The following SCRN1 variants were observed in gnomAD, a reference collection of about 807,000 sequenced individuals.
SCRN1 encodes the protein secernin-1.
In SCRN1, 19 loss-of-function variants were observed where a neutral mutation model predicts 43.3. The observed-to-expected ratio is 0.44, with a 90% CI of 0.31 to 0.64. SCRN1 has a LOEUF of 0.64. Ranked by LOEUF, SCRN1 falls within the 30% of genes least tolerant of loss-of-function variation. The probability of loss-of-function intolerance (pLI) is 0.09; values close to 1 mark genes in which losing one functional copy is unlikely to be tolerated. For synonymous variants in SCRN1, 183 were observed against 188.9 expected, an observed-to-expected ratio of 0.97 and a Z score of 0.26; for missense variants, 447 against 524.1, an observed-to-expected ratio of 0.85 and a Z score of 1.44.
At chr7:29,939,823 C>T (rs1011763263) in intron 5 of SCRN1, among the ~76,000 whole-genome samples, 1 of 152,078 alleles carries the variant, frequency 6.6e-6, no homozygotes, top group Admixed American at 6.6e-5. Context: ...TATCTAGTCG[C>T]CACATATACC....
At chr7:29,947,190 C>T (rs1787762537) in intron 3 of SCRN1, 1 of 1,550,072 alleles carries the variant, frequency 6.5e-7, no homozygotes, top group East Asian at 2.4e-5. Flanking sequence ...GTCCAGCTTG[C>T]TCTGGGCCTG....
intron 1 of SCRN1, among the ~76,000 whole-genome samples, chr7:29,983,708 A>G (rs1485843477): frequency 6.6e-6 from 1 of 152,236 alleles, no homozygotes; most frequent in Non-Finnish European, 1.5e-5. Context: ...ATGAGGAAAT[A>G]CTAGACTTGC....
intron 1 of SCRN1, chr7:29,988,516 G>C (rs957342070): frequency 6.6e-6 from 1 of 152,406 alleles, no homozygotes; most frequent in East Asian, 1.9e-4. Context: ...CTTAAGTCAG[G>C]GGGCAGCTGA....
chr7:29,968,478 G>T (rs1443172228), intron 2 of SCRN1, among the ~76,000 whole-genome samples: 1 of 152,178 alleles, frequency 6.6e-6, no homozygotes, highest in African/African-American at 2.4e-5. Flanking sequence ...TCGAAGAAAG[G>T]AGGAAAGGGA....
At chr7:29,937,576 C>G (rs556382708) in intron 5 of SCRN1, among the ~76,000 whole-genome samples, 19 of 152,280 alleles carry the variant, frequency 1.2e-4, no homozygotes, top group Admixed American at 5.9e-4. Flanking sequence ...CACAGTCCAC[C>G]AAACTCGCTC....
chr7:29,952,245 T>TTC (rs1222539209), intron 3 of SCRN1, among the ~76,000 whole-genome samples: 3 of 152,220 alleles, frequency 2.0e-5, no homozygotes, highest in African/African-American at 7.2e-5. Flanking sequence ...CAATTTACAT[T>TTC]TCTAGCAAGT....
At chr7:29,937,094 G>A (rs984814576) in intron 5 of SCRN1, among the ~76,000 whole-genome samples, 6 of 152,120 alleles carry the variant, frequency 3.9e-5, no homozygotes, top group African/African-American at 7.2e-5. Flanking sequence ...AAACTGTGGC[G>A]TGGCGGGCCA....
At chr7:29,940,660 C>A (rs773178357) in intron 5 of SCRN1, 22 bp downstream of exon 5, 21 of 1,569,998 alleles carry the variant, frequency 1.3e-5, no homozygotes, top group Non-Finnish European at 1.6e-5. Context: ...GAAGGAGAAT[C>A]GTGAGGGAGA....
chr7:29,984,719 G>A (rs1035123412), intron 1 of SCRN1, among the ~76,000 whole-genome samples: 1 of 151,088 alleles, frequency 6.6e-6, no homozygotes, highest in Admixed American at 6.6e-5. Flanking sequence ...TCAGGAGCTC[G>A]AGACCAGCCT....
At chr7:29,987,802 C>T (rs546934583) in intron 1 of SCRN1, among the ~76,000 whole-genome samples, 1 of 152,310 alleles carries the variant, frequency 6.6e-6, no homozygotes, top group East Asian at 1.9e-4. Context: ...GATTTGGGTT[C>T]TCACTGCCAG....
At chr7:29,984,168 T>C (rs1049266544) in intron 1 of SCRN1, among the ~76,000 whole-genome samples, 1 of 135,306 alleles carries the variant, frequency 7.4e-6, no homozygotes, top group Non-Finnish European at 1.5e-5. Flanking sequence ...ATTGCACCAC[T>C]GCACTCCAGC....
intron 1 of SCRN1, among the ~76,000 whole-genome samples, chr7:29,979,223 C>A (rs796310197): frequency 6.6e-6 from 1 of 151,984 alleles, no homozygotes; most frequent in African/African-American, 2.4e-5. Context: ...ATTAGCCAGG[C>A]GTGGTGGCAC....
chr7:29,929,853 A>T (rs141978021), intron 6 of SCRN1, among the ~76,000 whole-genome samples: 219 of 152,328 alleles, frequency 1.4e-3, no homozygotes, highest in African/African-American at 5.0e-3. Flanking sequence ...TCAATATAGG[A>T]TAAATGCATA....
chr7:29,966,986 A>G lies in SCRN1; in HGVS notation c.159+1923T>C, dbSNP rs1365805691. 4.0e-5 allele frequency among the ~76,000 whole-genome samples: 6 copies of G among 150,308 alleles called. No individual in the cohort carries two copies. In the East Asian group the frequency reaches 1.2e-3, roughly 29 times the overall value. On this transcript the variant is annotated intron_variant, in intron 2 of 7. Transcript: ENST00000242059. ...ATTGGATGTAATGGAAGAATTTAAG[A>G]AAAAAAAAAGAAAATACAAATTGAT...
chr7:29,963,355 T>C (rs573766019), intron 2 of SCRN1, among the ~76,000 whole-genome samples: 1 of 152,174 alleles, frequency 6.6e-6, no homozygotes, highest in South Asian at 2.1e-4. Flanking sequence ...GGAGTGGATA[T>C]TGGTGTTGAG....
chr7:29,977,424 A>T (rs1788867095), intron 1 of SCRN1, among the ~76,000 whole-genome samples: 1 of 152,172 alleles, frequency 6.6e-6, no homozygotes, highest in East Asian at 1.9e-4. Flanking sequence ...TTACAAATTG[A>T]TTTTTTCTGT....
At chr7:29,989,810 G>A, upstream of SCRN1, 1 of 990,444 alleles carries the variant, frequency 1.0e-6, no homozygotes, top group Non-Finnish European at 1.2e-6. Flanking sequence ...TCCCGGCGCT[G>A]GGGCCCGCCG....
intron 4 of SCRN1, 48 bp from the exon 5 acceptor site, chr7:29,940,924 C>A: frequency 7.2e-7 from 1 of 1,395,118 alleles, no homozygotes; most frequent in Non-Finnish European, 9.4e-7. Flanking sequence ...CTTATAAAGA[C>A]TTAATCAACA....
chr7:29,924,095 C>T lies in SCRN1; in HGVS notation c.1107G>A (p.Arg369=), dbSNP rs752853654. ...ESDQEQGRKL[R]STMLELEKQG... is the part of the protein sequence containing the mutation. ...GCTTCTCCAGCTCCAGCATGGTGCT[C>T]CTCAGCTTGCGACCTTGCTCCTGAG... Residue 369 remains arginine (R), a synonymous_variant, in exon 8 of 8, where the codon AGG becomes AGA. Transcript: ENST00000242059. The T allele has an allele frequency of 1.2e-5, 19 of 1,612,866 alleles. No homozygotes were observed. Among genetic ancestry groups the T allele is most frequent in the Non-Finnish European group, 1.6e-5 (19 of 1,179,680 alleles).
Sources: gnomAD v4.1 joint callset for allele counts (sites outside exome capture counted in the v4.1 genomes callset) on GRCh38, gnomAD v4.1.1 for gene constraint, MANE v1.5 for transcripts, NCBI Gene and HGNC (gene_info 2026-07-23, HGNC 2026-07-21) for gene names.